The following ENTPD5 variants were observed in gnomAD, a reference collection of about 807,000 sequenced individuals.
ENTPD5 encodes nucleoside diphosphate phosphatase ENTPD5.
A neutral mutation model predicts 60.2 loss-of-function variants in ENTPD5; 49 were observed. The observed-to-expected ratio is 0.81, with a 90% CI of 0.65 to 1.03. The LOEUF (loss-of-function observed/expected upper bound fraction) is 1.03. Ranked by LOEUF, ENTPD5 falls within the 50% of genes least tolerant of loss-of-function variation. The pLI, the probability that ENTPD5 is intolerant of heterozygous loss-of-function variation, is 0.00. For missense variants in ENTPD5, 480 were observed against 507.6 expected, an observed-to-expected ratio of 0.95 and a Z score of 0.52; for synonymous variants, 187 against 185.4, an observed-to-expected ratio of 1.01 and a Z score of -0.07.
At chr14:73,958,244 A>T (rs1288587777), downstream of ENTPD5, 1 of 1,614,068 alleles carries the variant, frequency 6.2e-7, no homozygotes, top group Admixed American at 1.7e-5. Context: ...ATATTACCCT[A>T]GGTGATGGCA....
chr14:73,963,136 T>G, downstream of ENTPD5: 2 of 792,074 alleles, frequency 2.5e-6, no homozygotes, highest in Non-Finnish European at 4.4e-6. Flanking sequence ...CTTTGCTTAA[T>G]GGGCCTGTGG....
At chr14:73,979,892 T>C (rs900180225) in intron 6 of ENTPD5, among the ~76,000 whole-genome samples, 1 of 151,840 alleles carries the variant, frequency 6.6e-6, no homozygotes, top group African/African-American at 2.4e-5. Flanking sequence ...GTACTGACAG[T>C]CAAAGGAAAA....
chr14:73,958,540 G>T (rs565873669), downstream of ENTPD5: 1 of 1,320,432 alleles, frequency 7.6e-7, no homozygotes, highest in African/African-American at 1.5e-5. Flanking sequence ...GTTGGGAATG[G>T]AGGCTGTTCT....
chr14:73,974,315 G>A (rs1441403258), intron 11 of ENTPD5, among the ~76,000 whole-genome samples: 1 of 152,164 alleles, frequency 6.6e-6, no homozygotes, highest in Admixed American at 6.5e-5. Context: ...GAAATGCTAT[G>A]CTACCTTCCT....
chr14:73,958,598 C>T, downstream of ENTPD5: 1 of 1,286,352 alleles, frequency 7.8e-7, no homozygotes, highest in Non-Finnish European at 9.9e-7. Context: ...TCTCATTTTT[C>T]TCCTTTCTGC....
rs941205318 is a variant in ENTPD5, at chr14:73,966,314, G to C, written c.*614C>G. 10 of 152,202 alleles carry C rather than the reference G, an allele frequency of 6.6e-5. No homozygotes were observed. Among genetic ancestry groups the C allele is most frequent in the African/African-American group, 2.4e-4 (10 of 41,440 alleles). The allele number at this position is 152,202 out of a possible 1,614,324, so 9.4% of individuals were successfully genotyped here. A position where few individuals can be genotyped will look rare whatever the true frequency, so the allele number is the denominator to read the frequency against. ...CCGGGTGGCCTTCTTTCTTAAGGCT[G>C]TAATTTATGCACAGTTAGGAGTTAC... On this transcript the variant is annotated 3_prime_UTR_variant, in exon 16 of 16. Transcript: ENST00000334696.
chr14:73,973,068 G>A (rs2057297719), intron 12 of ENTPD5, 44 bp from the exon 13 acceptor site: 4 of 1,607,368 alleles, frequency 2.5e-6, no homozygotes, highest in Non-Finnish European at 3.4e-6. Context: ...AACGACGCTG[G>A]GGGAAGGGGA....
In ENTPD5 at chr14:74,019,257, G is replaced by GCGCCACCCTTGCGCGGCAGCC. The variant is rs1390833025; in HGVS notation, c.-266_-246dup. ...CGACACTCGCACACTCACCGCGCGC[G>GCGCCACCCTTGCGCGGCAGCC]CGCCACCCTTGCGCGGCAGCCCGCC... On this transcript the variant is annotated 5_prime_UTR_variant, in exon 1 of 16. Transcript: ENST00000334696. The GCGCCACCCTTGCGCGGCAGCC allele has an allele frequency of 5.3e-5, 13 of 245,134 alleles. No homozygotes were observed. Among genetic ancestry groups the GCGCCACCCTTGCGCGGCAGCC allele is most frequent in the Non-Finnish European group, 7.9e-5 (12 of 151,684 alleles). 15.2% of individuals were successfully genotyped at this position (245,134 alleles called of 1,614,324 possible).
intron 3 of ENTPD5, among the ~76,000 whole-genome samples, chr14:74,009,566 C>T (rs1040741018): frequency 6.6e-6 from 1 of 152,150 alleles, no homozygotes; most frequent in Non-Finnish European, 1.5e-5. Flanking sequence ...GTCTTTCCCC[C>T]ACCAAATGTG....
At position 73,974,885 on chromosome 14, in the gene ENTPD5, C is replaced by A. The variant is rs772141720; in HGVS notation, c.784+39G>T. The A allele has an allele frequency of 8.1e-5, 125 of 1,538,264 alleles. No individual in the cohort carries two copies. In the East Asian group the frequency reaches 2.7e-3, roughly 34 times the overall value. ...AGAAGCAAGCGGAGTATCTGTGTCACCCTCACCATCCCCCCCCAGCACAGG... is the reference window on the plus strand; with the variant it reads ...AGAAGCAAGCGGAGTATCTGTGTCAACCTCACCATCCCCCCCCAGCACAGG... On this transcript the variant is annotated intron_variant, in intron 11 of 15. Coordinates refer to ENST00000334696, the MANE Select transcript of ENTPD5 (RefSeq NM_001249.5).
intron 3 of ENTPD5, among the ~76,000 whole-genome samples, chr14:74,006,412 T>C (rs986403446): frequency 4.6e-5 from 7 of 151,538 alleles, no homozygotes; most frequent in African/African-American, 1.7e-4. Context: ...GCCTCCCGAG[T>C]AGCTGGGACT....
intron 1 of ENTPD5, among the ~76,000 whole-genome samples, chr14:74,017,063 A>T (rs1022625242): frequency 9.2e-5 from 14 of 152,216 alleles, no homozygotes; most frequent in African/African-American, 2.9e-4. Context: ...TCACGCCTGT[A>T]ATCCCAGTAC....
rs60865479 is a variant in ENTPD5 at position 73,971,774 on chromosome 14, GCTTTAGGTCA to G, written c.1084+68_1084+77del. ...ATAGGCCTTCTGAGCTGACTGAGGT[GCTTTAGGTCA>G]CTTTAGGTCACTAGAGTAGGCAGGC... On this transcript the variant is annotated intron_variant, in intron 14 of 15. Coordinates refer to ENST00000334696, the MANE Select transcript of ENTPD5 (RefSeq NM_001249.5). 3,930 of 935,698 alleles carry G rather than the reference GCTTTAGGTCA, an allele frequency of 4.2e-3. 91 individuals carry two copies. In the African/African-American group the frequency reaches 0.053, roughly 13 times the overall value. 58.0% of individuals were successfully genotyped at this position (935,698 alleles called of 1,614,324 possible).
chr14:74,004,653 C>A (rs2058615489), intron 3 of ENTPD5, among the ~76,000 whole-genome samples: 1 of 152,112 alleles, frequency 6.6e-6, no homozygotes, highest in Non-Finnish European at 1.5e-5. Flanking sequence ...CAGCTGTGGG[C>A]AGGAAGTCTC....
At chr14:73,974,422 C>T (rs1315158605) in intron 11 of ENTPD5, among the ~76,000 whole-genome samples, 1 of 152,192 alleles carries the variant, frequency 6.6e-6, no homozygotes, top group African/African-American at 2.4e-5. Flanking sequence ...GATTACTGTA[C>T]AAAGTGCCTT....
chr14:73,981,418 G>C (rs192178078), intron 6 of ENTPD5, among the ~76,000 whole-genome samples: 1 of 151,912 alleles, frequency 6.6e-6, no homozygotes, highest in Non-Finnish European at 1.5e-5. Flanking sequence ...AGAATTGCTT[G>C]AACCTGGGAG....
At chr14:73,958,711 G>A (rs2078422921), downstream of ENTPD5, 9 of 1,384,240 alleles carry the variant, frequency 6.5e-6, no homozygotes, top group Non-Finnish European at 8.4e-6. Flanking sequence ...TTGCTCTCTA[G>A]TTCAAATATC....
At chr14:73,988,640 A>G (rs534540267) in intron 3 of ENTPD5, among the ~76,000 whole-genome samples, 3 of 152,250 alleles carry the variant, frequency 2.0e-5, no homozygotes, top group East Asian at 1.9e-4. Context: ...GTAAGTTTGT[A>G]CCCATTAACC....
chr14:74,006,127 T>A (rs975903774), intron 3 of ENTPD5, among the ~76,000 whole-genome samples: 3 of 152,026 alleles, frequency 2.0e-5, no homozygotes, highest in African/African-American at 7.2e-5. Context: ...TAGCTGGGAT[T>A]ACAGGCATAC....
Sources: allele counts gnomAD v4.1 joint callset (sites outside exome capture counted in the v4.1 genomes callset), GRCh38; gene constraint gnomAD v4.1.1; transcripts MANE v1.5; gene names NCBI Gene and HGNC (gene_info 2026-07-23, HGNC 2026-07-21).